Variants in ASB4 observed in about 807,000 individuals in gnomAD.
The protein encoded by ASB4 is ankyrin repeat and SOCS box protein 4.
ASB4 carries 35 observed loss-of-function variants against 38.6 expected under a neutral mutation model. The ratio of observed to expected loss-of-function variants is 0.91; its 90% CI spans 0.69 to 1.20. The LOEUF (loss-of-function observed/expected upper bound fraction) is 1.20, where lower values mean the gene tolerates loss of function less well. Among genes scored for constraint, ASB4 ranks in the 50% most tolerant of loss-of-function variants. The probability of loss-of-function intolerance (pLI) is 0.00; values close to 1 mark genes in which losing one functional copy is unlikely to be tolerated. For missense variants in ASB4, 557 were observed against 527.2 expected (o/e 1.06, Z -0.55); for synonymous variants, 195 against 201.3 (o/e 0.97, Z 0.26).
intron 2 of ASB4, among the ~76,000 whole-genome samples, chr7:95,513,733 A>G (rs1790517676): frequency 6.6e-6 from 1 of 152,166 alleles, no homozygotes; most frequent in South Asian, 2.1e-4. Context: ...ATAACTGTAA[A>G]TAATCAATTT....
rs1584099027 is a variant in ASB4 at position 95,538,202 on chromosome 7, C to T, written c.*443C>T. 6.5e-6 allele frequency: 1 copy of T among 153,980 alleles called. No homozygotes were observed. Among genetic ancestry groups the T allele is most frequent in the African/African-American group, 2.4e-5 (1 of 41,596 alleles). 9.5% of individuals were successfully genotyped at this position (153,980 alleles called of 1,614,324 possible). ...AAACTTGGTGTTTTCCCCCATTACC[C>T]CTTAGCAGTAATTACTGTCACTAGT... is the stretch of plus-strand genomic sequence containing the variant. On this transcript the variant is annotated 3_prime_UTR_variant, in exon 5 of 5. Coordinates refer to ENST00000325885, the MANE Select transcript of ASB4 (RefSeq NM_016116.3).
chr7:95,510,636 GTTGC>G (rs1399243038), intron 2 of ASB4, among the ~76,000 whole-genome samples: 1 of 152,114 alleles, frequency 6.6e-6, no homozygotes, highest in African/African-American at 2.4e-5. Flanking sequence ...TCAAGTTTGG[GTTGC>G]TTACTGCAGC....
the ASB4 span, among the ~76,000 whole-genome samples, chr7:95,549,099 G>A: frequency 5.3e-4 from 80 of 152,042 alleles, no homozygotes; most frequent in Non-Finnish European, 1.1e-3. Context: ...ATTTTGAGGG[G>A]CTTATGGGAT....
At chr7:95,549,452 A>G in the ASB4 span, among the ~76,000 whole-genome samples, 1 of 151,738 alleles carries the variant, frequency 6.6e-6, no homozygotes, top group African/African-American at 2.4e-5. Flanking sequence ...GCCCGCCATC[A>G]CGCCCGGCTA....
chr7:95,480,677 G>C (rs185106918), intron 1 of ASB4, among the ~76,000 whole-genome samples: 1 of 152,174 alleles, frequency 6.6e-6, no homozygotes, highest in African/African-American at 2.4e-5. Context: ...AAAGGGGATT[G>C]TCTAACCCCC....
the ASB4 span, among the ~76,000 whole-genome samples, chr7:95,472,623 T>C: frequency 1.2e-4 from 18 of 151,542 alleles, no homozygotes; most frequent in Non-Finnish European, 2.2e-4. Context: ...CTAATAGGGG[T>C]TTTAATGATG....
At chr7:95,536,885 C>T (rs796651732) in intron 4 of ASB4, among the ~76,000 whole-genome samples, 19 of 152,210 alleles carry the variant, frequency 1.2e-4, no homozygotes, top group East Asian at 3.9e-4. Flanking sequence ...AATATTAAAG[C>T]GTTTTGTGTA....
chr7:95,526,331 A>G (rs1293128325), intron 2 of ASB4, among the ~76,000 whole-genome samples: 1 of 152,180 alleles, frequency 6.6e-6, no homozygotes, highest in Admixed American at 6.5e-5. Context: ...TGTGCGCACA[A>G]TGACCTCCTT....
rs371414898 is a variant in ASB4, at chr7:95,527,943, C to T, written c.618C>T (p.Ala206=). The change falls in exon 3 of 5, where the codon GCC becomes GCT. Residue 206 remains alanine (A), a synonymous_variant. Transcript: ENST00000325885. The part of the protein sequence containing the change: ...EHGAIVDSVN[A]HMETPLAIAA... ...GGGCCATAGTGGACAGCGTGAATGC[C>T]CACATGGAGACCCCCCTGGCCATCG... The T allele has an allele frequency of 4.3e-6, 7 of 1,614,042 alleles. No homozygotes were observed. The highest frequency in any genetic ancestry group is 2.2e-5 in the East Asian group (1 of 44,854).
chr7:95,476,599 G>T (rs1005429265), upstream of ASB4, among the ~76,000 whole-genome samples: 3 of 152,166 alleles, frequency 2.0e-5, no homozygotes, highest in Non-Finnish European at 4.4e-5. Context: ...CTTGCCTGGG[G>T]CCTTGACTGA....
At chr7:95,532,346 GA>G (rs1242681206) in intron 3 of ASB4, among the ~76,000 whole-genome samples, 3 of 152,004 alleles carry the variant, frequency 2.0e-5, no homozygotes, top group South Asian at 2.1e-4. Flanking sequence ...ATAAGCGGGG[GA>G]AAAAAGAATT....
At chr7:95,492,232 C>A (rs570946766) in intron 1 of ASB4, among the ~76,000 whole-genome samples, 14 of 152,122 alleles carry the variant, frequency 9.2e-5, no homozygotes, top group Non-Finnish European at 1.2e-4. Context: ...GACTGAGAGG[C>A]CAAGGATGAC....
chr7:95,520,645 C>G (rs1386859468), intron 2 of ASB4, among the ~76,000 whole-genome samples: 1 of 151,866 alleles, frequency 6.6e-6, no homozygotes, highest in Admixed American at 6.6e-5. Flanking sequence ...ACTCCCCACC[C>G]CCCATCCCCA....
At chr7:95,515,368 C>A (rs772686385) in intron 2 of ASB4, among the ~76,000 whole-genome samples, 1 of 71,950 alleles carries the variant, frequency 1.4e-5, no homozygotes, top group Non-Finnish European at 3.1e-5. Flanking sequence ...TCTTTCTTTT[C>A]TTTCTTTCTT....
chr7:95,474,928 C>T (rs947928300), upstream of ASB4, among the ~76,000 whole-genome samples: 1 of 152,176 alleles, frequency 6.6e-6, no homozygotes, highest in Non-Finnish European at 1.5e-5. Context: ...TGTTACTGAT[C>T]ATTGAGATTT....
At chr7:95,547,124 G>T in the ASB4 span, among the ~76,000 whole-genome samples, 1 of 152,182 alleles carries the variant, frequency 6.6e-6, no homozygotes, top group East Asian at 1.9e-4. Flanking sequence ...AATCTCTTCA[G>T]TTTTTTAAAA....
chr7:95,527,917 G>A lies in ASB4; in HGVS notation c.592G>A (p.Gly198Arg), dbSNP rs1177685446. ...GCTGGTGGCCTTCTACGTGGAACAC[G>A]GGGCCATAGTGGACAGCGTGAATGC... The part of the protein sequence containing the change: ...SELVAFYVEH[G>R]AIVDSVNAHM... Residue 198 changes from glycine (G) to arginine (R), a missense_variant, in exon 3 of 5, where the codon GGG becomes AGG. Coordinates refer to ENST00000325885, the MANE Select transcript of ASB4 (RefSeq NM_016116.3). The A allele has an allele frequency of 6.2e-7, 1 of 1,614,100 alleles. No homozygotes were observed. The highest frequency in any genetic ancestry group is 1.7e-5 in the Admixed American group (1 of 60,028).
At chr7:95,471,061 C>T in the ASB4 span, among the ~76,000 whole-genome samples, 1 of 152,074 alleles carries the variant, frequency 6.6e-6, no homozygotes, top group Non-Finnish European at 1.5e-5. Flanking sequence ...TGATTTCGTT[C>T]TTGTTTGCTT....
intron 2 of ASB4, among the ~76,000 whole-genome samples, chr7:95,502,522 G>A (rs1585802396): frequency 6.6e-6 from 1 of 152,070 alleles, no homozygotes; most frequent in African/African-American, 2.4e-5. Context: ...TTTACTTAGG[G>A]CCTCAAATTC....
Sources: allele counts gnomAD v4.1 joint callset (sites outside exome capture counted in the v4.1 genomes callset), GRCh38; gene constraint gnomAD v4.1.1; transcripts MANE v1.5; gene names NCBI Gene and HGNC (gene_info 2026-07-23, HGNC 2026-07-21).